The following MACF1 variants were observed in gnomAD, a reference collection of about 807,000 sequenced individuals.
MACF1 encodes the protein microtubule actin crosslinking factor 1.
Under a neutral mutation model 854.8 loss-of-function variants are expected in MACF1, and 193 were observed. The ratio of observed to expected loss-of-function variants is 0.23; its 90% confidence interval spans 0.20 to 0.25. The LOEUF is 0.25. Among genes scored for constraint, MACF1 ranks in the 10% least tolerant of loss-of-function variants. The pLI, the probability that MACF1 is intolerant of heterozygous loss-of-function variation, is 1.00. For synonymous variants in MACF1, 3,185 were observed against 3,226.7 expected (o/e 0.99, Z 0.44); for missense variants, 7,722 against 8,929.1 (o/e 0.86, Z 5.45).
intron 2 of MACF1, chr1:39,103,676 TTTTG>T (rs989250198): frequency 2.1e-4 from 32 of 152,394 alleles, no homozygotes; most frequent in South Asian, 4.1e-4. Flanking sequence ...TGAGAACTAG[TTTTG>T]TTTGTTTGTT....
chr1:39,313,161 G>A (rs761085971), intron 26 of MACF1, among the ~76,000 whole-genome samples: 28 of 152,094 alleles, frequency 1.8e-4, no homozygotes, highest in Non-Finnish European at 2.9e-4. Context: ...GTTTCTTCCT[G>A]ATTAGTGTTA....
At chr1:39,293,755 C>G in intron 18 of MACF1, 136 bp downstream of exon 18, 2 of 683,390 alleles carry the variant, frequency 2.9e-6, no homozygotes, top group Non-Finnish European at 4.7e-6. Context: ...TCAATGCATC[C>G]ATGCATGTGA....
At chr1:39,170,157 A>G (rs866323244) in intron 2 of MACF1, among the ~76,000 whole-genome samples, 3 of 151,984 alleles carry the variant, frequency 2.0e-5, no homozygotes, top group South Asian at 4.1e-4. Context: ...TATTCCTTCA[A>G]GTTTCACTTC....
intron 58 of MACF1, chr1:39,411,272 G>A (rs1199918052): frequency 6.2e-7 from 1 of 1,613,850 alleles, no homozygotes; most frequent in South Asian, 1.1e-5. Flanking sequence ...GAGGGAGAGT[G>A]GGAGGAAGAG....
chr1:39,337,779 T>TG (rs1646844004), intron 38 of MACF1, among the ~76,000 whole-genome samples: 5 of 148,968 alleles, frequency 3.4e-5, no homozygotes, highest in African/African-American at 9.9e-5. Context: ...GTGTGTGTGT[T>TG]TTTTTTTTGA....
At position 39,184,286 on chromosome 1, in the gene MACF1, C is replaced by G. The variant is rs1431483126; in HGVS notation, c.221-46896C>G. Among the ~76,000 whole-genome samples, 9 of 152,234 alleles carry G rather than the reference C, an allele frequency of 5.9e-5. No homozygotes were observed. In the East Asian group the frequency reaches 1.2e-3, roughly 20 times the overall value. On this transcript the variant is annotated intron_variant, in intron 2 of 93. Coordinates refer to the MACF1 transcript ENST00000361689. ...AGGGCGGCGTGTGTGGGTTCCTGCA[C>G]TGTGTGCCTCAGTTCTATAGCTAGC...
At chr1:39,453,614 G>A in intron 87 of MACF1, 93 bp from the exon 88 acceptor site, 1 of 1,136,380 alleles carries the variant, frequency 8.8e-7, no homozygotes. Flanking sequence ...GGAGGAAAAA[G>A]AAAACATTGA....
chr1:39,442,518 C>T lies in MACF1; in HGVS notation c.19055C>T (p.Pro6352Leu). ...HTEELLDAQR[P>L]ISGDPKVIEV... ...GAAGAGTTGTTAGATGCTCAGAGACCAATAAGTGGAGACCCAAAAGTCATT... is the reference window on the plus strand; with the variant it reads ...GAAGAGTTGTTAGATGCTCAGAGACTAATAAGTGGAGACCCAAAAGTCATT... The change falls in exon 77 of 101, where the codon CCA becomes CTA. Residue 6352 changes from proline (P) to leucine (L), a missense_variant. By Grantham distance (98) the Pro-to-Leu change is moderately conservative (BLOSUM62 -3). This residue lies in a region of MACF1 where 2,807 missense variants were observed against 3,235.8 expected (regional missense o/e 0.87). Coordinates refer to ENST00000564288, the MANE Select transcript of MACF1 (RefSeq NM_001394062.1). 5 of 1,614,152 alleles carry T rather than the reference C, an allele frequency of 3.1e-6. No individual in the cohort carries two copies. The South Asian group carries it at 5.5e-5, about 18-fold the overall frequency.
chr1:39,170,739 G>T (rs895286517), intron 2 of MACF1, among the ~76,000 whole-genome samples: 1 of 152,226 alleles, frequency 6.6e-6, no homozygotes, highest in Non-Finnish European at 1.5e-5. Flanking sequence ...CCCTTGTAGA[G>T]CTTATATTCT....
At chr1:39,467,670 G>A (rs1353110730) in intron 95 of MACF1, 1 of 152,140 alleles carries the variant, frequency 6.6e-6, no homozygotes, top group Non-Finnish European at 1.5e-5. Context: ...TAATCATCAT[G>A]GGAGCTACAA....
intron 58 of MACF1, chr1:39,411,400 T>A: frequency 1.2e-6 from 2 of 1,614,046 alleles, no homozygotes; most frequent in Non-Finnish European, 1.7e-6. Context: ...ATCCGATTGC[T>A]TAGCTGCTGT....
At chr1:39,249,791 A>G (rs1326043692) in intron 2 of MACF1, 3 of 417,950 alleles carry the variant, frequency 7.2e-6, no homozygotes, top group Non-Finnish European at 1.3e-5. Flanking sequence ...AGAGTGTGTA[A>G]TAGATCTGGC....
At chr1:39,389,516 C>A (rs749735395) in intron 58 of MACF1, among the ~76,000 whole-genome samples, 1 of 151,668 alleles carries the variant, frequency 6.6e-6, no homozygotes, top group Non-Finnish European at 1.5e-5. Context: ...CTCACCACCA[C>A]GCCTGGTTAA....
chr1:39,434,739 T>C, intron 69 of MACF1, 107 bp downstream of exon 69: 1 of 868,244 alleles, frequency 1.2e-6, no homozygotes, highest in Non-Finnish European at 1.8e-6. Flanking sequence ...TGTTACGAAG[T>C]TAATTCTTAA....
chr1:39,156,914 G>A (rs1643700166), intron 2 of MACF1, among the ~76,000 whole-genome samples: 2 of 151,694 alleles, frequency 1.3e-5, no homozygotes, highest in East Asian at 3.9e-4. Flanking sequence ...CTGACTAGTA[G>A]CATTGGAAGG....
At chr1:39,186,202 CTCTCTCTCTCTCTGTGTGTGTGTGTGTG>C (rs1175540240) in intron 2 of MACF1, among the ~76,000 whole-genome samples, 2 of 124,432 alleles carry the variant, frequency 1.6e-5, no homozygotes, top group African/African-American at 6.7e-5. Context: ...CTCTCTCTCT[CTCTCTCTCTCTCTGTGTGTGTGTGTGTG>C]TGTGTGTGTG....
At chr1:39,252,056 C>CAT in intron 4 of MACF1, 115 bp downstream of exon 4, 1 of 576,198 alleles carries the variant, frequency 1.7e-6, no homozygotes, top group Non-Finnish European at 2.6e-6. Context: ...GCCACCTTCT[C>CAT]ATTTCAACTG....
intron 2 of MACF1, among the ~76,000 whole-genome samples, chr1:39,085,938 C>G (rs1641664045): frequency 6.6e-6 from 1 of 152,188 alleles, no homozygotes; most frequent in Non-Finnish European, 1.5e-5. Flanking sequence ...CCCTCCTCCT[C>G]TTTTAAGTGC....
chr1:39,103,287 CA>C, intron 2 of MACF1: 1 of 313,228 alleles, frequency 3.2e-6, no homozygotes, highest in Non-Finnish European at 6.2e-6. Context: ...AACCTGCTCA[CA>C]AAGTGGCGCG....
Sources: gnomAD v4.1 joint callset for allele counts (sites outside exome capture counted in the v4.1 genomes callset) on GRCh38, gnomAD v4.1.1 for gene constraint, gnomAD v4.1.1 regional missense constraint, MANE v1.5 for transcripts, NCBI Gene and HGNC (gene_info 2026-07-23, HGNC 2026-07-21) for gene names.